Variants in HAPLN1 observed in about 807,000 individuals in gnomAD.
The protein encoded by HAPLN1 is Cartilage link protein.
HAPLN1 carries 13 observed loss-of-function variants against 36.5 expected under a neutral mutation model. The ratio of observed to expected loss-of-function variants is 0.36; its 90% CI spans 0.23 to 0.57. The LOEUF (loss-of-function observed/expected upper bound fraction) is 0.57, where lower values mean the gene tolerates loss of function less well. Among genes scored for constraint, HAPLN1 ranks in the 20% least tolerant of loss-of-function variants. HAPLN1 has a pLI of 0.83. For missense variants in HAPLN1, 407 were observed against 439.7 expected (o/e 0.93, Z 0.66); for synonymous variants, 202 against 169.8 (o/e 1.19, Z -1.48).
At chr5:83,685,642 T>C (rs1195169086) in intron 1 of HAPLN1, among the ~76,000 whole-genome samples, 1 of 152,196 alleles carries the variant, frequency 6.6e-6, no homozygotes, top group African/African-American at 2.4e-5. Context: ...TACTCCTGGA[T>C]TTATTGGTCC....
chr5:83,709,579 G>A (rs1035774743), intron 1 of HAPLN1, among the ~76,000 whole-genome samples: 1 of 152,078 alleles, frequency 6.6e-6, no homozygotes, highest in South Asian at 2.1e-4. Context: ...TGAGGTTTGG[G>A]CTTCTATTGA....
At position 83,705,140 on chromosome 5, in the gene HAPLN1, A is replaced by C. The variant is rs562767490; in HGVS notation, c.-27+15649T>G. Among the ~76,000 whole-genome samples, 3 of 152,338 alleles carry C rather than the reference A, an allele frequency of 2.0e-5. No individual in the cohort carries two copies. The South Asian group carries it at 6.2e-4, about 32-fold the overall frequency. On this transcript the variant is annotated intron_variant, in intron 1 of 4. Transcript: ENST00000274341. ...CGCAGTGGCTCACATCTGTAATCCC[A>C]GCACTTTGGGAGGCTGAGGCAGCTG...
intron 1 of HAPLN1, among the ~76,000 whole-genome samples, chr5:83,702,816 A>T (rs1199602800): frequency 6.6e-6 from 1 of 151,870 alleles, no homozygotes; most frequent in African/African-American, 2.4e-5. Flanking sequence ...CAACTCACTG[A>T]AGACTCCGCC....
At chr5:83,650,879 C>T (rs1750041009) in intron 3 of HAPLN1, among the ~76,000 whole-genome samples, 1 of 151,848 alleles carries the variant, frequency 6.6e-6, no homozygotes, top group Admixed American at 6.6e-5. Context: ...TGTGATCCGC[C>T]AAAAATTATT....
chr5:83,647,468 T>A (rs1273675988), intron 3 of HAPLN1, among the ~76,000 whole-genome samples: 1 of 152,206 alleles, frequency 6.6e-6, no homozygotes, highest in Non-Finnish European at 1.5e-5. Context: ...AACAGTAAGA[T>A]GTATCTTACA....
intron 1 of HAPLN1, among the ~76,000 whole-genome samples, chr5:83,700,972 A>G (rs1219561896): frequency 6.6e-6 from 1 of 152,192 alleles, no homozygotes; most frequent in African/African-American, 2.4e-5. Context: ...CTTCCCAGTG[A>G]CAAGGACATT....
At chr5:83,647,990 C>A (rs1561300446) in intron 3 of HAPLN1, among the ~76,000 whole-genome samples, 2 of 152,042 alleles carry the variant, frequency 1.3e-5, no homozygotes, top group East Asian at 1.9e-4. Context: ...AAGATAAATA[C>A]AATGGAAGTT....
intron 1 of HAPLN1, chr5:83,703,633 G>A (rs1751560382): frequency 6.6e-6 from 1 of 152,098 alleles, no homozygotes; most frequent in Admixed American, 6.5e-5. Flanking sequence ...TCAGACTTAT[G>A]AGGACTTATA....
chr5:83,644,502 A>G lies in HAPLN1; in HGVS notation c.636T>C (p.Asp212=), dbSNP rs752695833. 55 of 1,611,970 alleles carry G rather than the reference A, an allele frequency of 3.4e-5. No individual in the cohort carries two copies. The highest frequency in any genetic ancestry group is 4.7e-5 in the Non-Finnish European group (55 of 1,179,118). Residue 212 remains aspartate (D), a synonymous_variant, in exon 4 of 5, where the codon GAT becomes GAC. Transcript: ENST00000274341. ...TTGTGATGGGATATTGCACAGAGCCATCACTGAGCCAGCCGGCATTGCACC... is the reference window on the plus strand; with the variant it reads ...TTGTGATGGGATATTGCACAGAGCCGTCACTGAGCCAGCCGGCATTGCACC... ...LDWCNAGWLS[D]GSVQYPITKP...
chr5:83,695,133 A>G (rs1751363262), intron 1 of HAPLN1, among the ~76,000 whole-genome samples: 1 of 152,088 alleles, frequency 6.6e-6, no homozygotes, highest in Non-Finnish European at 1.5e-5. Context: ...TTCATTATAC[A>G]TATATTTTTG....
chr5:83,713,435 C>T (rs528421264), intron 1 of HAPLN1, among the ~76,000 whole-genome samples: 1 of 152,146 alleles, frequency 6.6e-6, no homozygotes, highest in Non-Finnish European at 1.5e-5. Flanking sequence ...TTAATCATGT[C>T]AAAACTCATT....
intron 1 of HAPLN1, among the ~76,000 whole-genome samples, chr5:83,701,114 G>A (rs935376247): frequency 1.3e-5 from 2 of 152,212 alleles, no homozygotes; most frequent in Non-Finnish European, 2.9e-5. Context: ...GGATTGTAAA[G>A]CTAATACTAG....
intron 1 of HAPLN1, among the ~76,000 whole-genome samples, chr5:83,687,731 A>AT (rs1194516891): frequency 6.6e-6 from 1 of 152,230 alleles, no homozygotes; most frequent in Non-Finnish European, 1.5e-5. Flanking sequence ...TAATTGTAAC[A>AT]TTTTAACATA....
intron 1 of HAPLN1, among the ~76,000 whole-genome samples, chr5:83,703,062 T>G (rs1372765209): frequency 1.3e-5 from 2 of 152,110 alleles, no homozygotes; most frequent in Admixed American, 6.6e-5. Context: ...TACTTTTTGG[T>G]GTTTATCCTG....
chr5:83,664,211 C>T (rs1357225771), intron 2 of HAPLN1, among the ~76,000 whole-genome samples: 1 of 151,452 alleles, frequency 6.6e-6, no homozygotes, highest in Admixed American at 6.6e-5. Flanking sequence ...ACTTTTTCTC[C>T]CTGGAATGCT....
intron 3 of HAPLN1, among the ~76,000 whole-genome samples, chr5:83,647,969 T>G (rs181532898): frequency 2.0e-4 from 30 of 152,308 alleles, no homozygotes; most frequent in African/African-American, 7.0e-4. Context: ...TAGCCCCATT[T>G]TCACCAATGG....
At chr5:83,715,329 T>C (rs1462123599) in intron 1 of HAPLN1, among the ~76,000 whole-genome samples, 3 of 152,118 alleles carry the variant, frequency 2.0e-5, no homozygotes, top group African/African-American at 7.2e-5. Flanking sequence ...ACCAGAGAAC[T>C]ATCAGATCCT....
intron 1 of HAPLN1, among the ~76,000 whole-genome samples, chr5:83,704,465 A>G (rs1037400828): frequency 1.3e-5 from 2 of 152,308 alleles, no homozygotes; most frequent in Admixed American, 1.3e-4. Flanking sequence ...GTGACAAACT[A>G]GATTAAAAAG....
chr5:83,712,161 A>G (rs1022015327), intron 1 of HAPLN1, among the ~76,000 whole-genome samples: 2 of 152,190 alleles, frequency 1.3e-5, no homozygotes, highest in East Asian at 1.9e-4. Flanking sequence ...GGACTTTTAC[A>G]TTGGGTAATA....
Sources: allele counts gnomAD v4.1 joint callset (sites outside exome capture counted in the v4.1 genomes callset), GRCh38; gene constraint gnomAD v4.1.1; transcripts MANE v1.5; gene names NCBI Gene and HGNC (gene_info 2026-07-23, HGNC 2026-07-21).